DUSP15: variants seen among roughly 807,000 people sequenced by gnomAD.
DUSP15 encodes the protein dual specificity phosphatase 15.
A neutral mutation model predicts 26.3 loss-of-function variants in DUSP15; 23 were observed. The observed-to-expected ratio is 0.87, with a 90% confidence interval of 0.63 to 1.24. DUSP15 has a LOEUF of 1.24. Ranked by LOEUF, DUSP15 falls within the 50% of genes most tolerant of loss-of-function variation. The pLI is 0.00. For missense variants in DUSP15, 364 were observed against 320.6 expected (o/e 1.14, Z -1.03); for synonymous variants, 143 against 135.5 (o/e 1.06, Z -0.39).
chr20:31,847,727 G>A (rs982699633), exon 10 of DUSP15: 3 of 152,152 alleles, frequency 2.0e-5, no homozygotes, highest in South Asian at 2.1e-4. Flanking sequence ...TGCCTACAAC[G>A]TACAGCTTGC....
At chr20:31,859,114 A>T (rs2062605565), downstream of DUSP15, among the ~76,000 whole-genome samples, 1 of 152,168 alleles carries the variant, frequency 6.6e-6, no homozygotes, top group African/African-American at 2.4e-5. Flanking sequence ...GCCCTCTAAC[A>T]AGGTCACAGA....
chr20:31,861,531 C>A lies in DUSP15; in HGVS notation c.580G>T (p.Glu194Ter). 2 of 1,516,116 alleles carry A rather than the reference C, an allele frequency of 1.3e-6. No individual in the cohort carries two copies. The highest frequency in any genetic ancestry group is 1.8e-6 in the Non-Finnish European group (2 of 1,140,176). 93.9% of individuals were successfully genotyped at this position (1,516,116 alleles called of 1,614,324 possible). Residue 194 changes from glutamate to a stop codon, truncating the protein, a stop_gained, in exon 7 of 7, where the codon GAG (glutamate) becomes TAG (stop). Coordinates refer to ENST00000339738, the MANE Select transcript of DUSP15 (RefSeq NM_080611.5). LOFTEE classifies it high-confidence loss of function. ...SSAGPHSAAS[E>*]GTVQRLVPRT... The stretch of plus-strand genomic sequence containing the variant: ...GGCACCAGGCGCTGCACGGTTCCCT[C>A]GGAGGCTGCTGAGTGCGGCCCGGCG...
At chr20:31,856,667 G>A (rs2123218443), downstream of DUSP15, among the ~76,000 whole-genome samples, 1 of 152,232 alleles carries the variant, frequency 6.6e-6, no homozygotes, top group South Asian at 2.1e-4. Flanking sequence ...GATGTTTGGG[G>A]TGTGTTGAGT....
chr20:31,861,331 G>T lies in DUSP15; in HGVS notation c.*72C>A. 7.0e-7 allele frequency: 1 copy of T among 1,421,594 alleles called. No individual in the cohort carries two copies. The allele number at this position is 1,421,594 out of a possible 1,614,324, so 88.1% of individuals were successfully genotyped here. A position where few individuals can be genotyped will look rare whatever the true frequency, so the allele number is the denominator to read the frequency against. On this transcript the variant is annotated 3_prime_UTR_variant, in exon 7 of 7. Transcript: ENST00000339738. ...CCCCCAGCCTCTGGGCCCGTCCTGGGGGGCGTGGAAGGCGCAGACAGCCCC... is the reference window on the plus strand; with the variant it reads ...CCCCCAGCCTCTGGGCCCGTCCTGGTGGGCGTGGAAGGCGCAGACAGCCCC...
At chr20:31,867,020 G>T in intron 3 of DUSP15, 51 bp downstream of exon 3, 1 of 1,504,820 alleles carries the variant, frequency 6.6e-7, no homozygotes, top group Non-Finnish European at 9.1e-7. Flanking sequence ...TTGATAAACA[G>T]GTCTGCACCC....
downstream of DUSP15, among the ~76,000 whole-genome samples, chr20:31,846,079 CACACAGAG>C (rs1778962115): frequency 6.6e-6 from 1 of 150,586 alleles, no homozygotes; most frequent in African/African-American, 2.5e-5. Context: ...CACGTACAGA[CACACAGAG>C]ACACACAGAC....
rs1429882309 is a variant in DUSP15 at position 31,864,227 on chromosome 20, A to G, written c.189-246T>C. The G allele has an allele frequency of 7.0e-6, 9 of 1,276,916 alleles. No individual in the cohort carries two copies. In the East Asian group the frequency reaches 3.3e-4, roughly 46 times the overall value. The allele number at this position is 1,276,916 out of a possible 1,614,324, so 79.1% of individuals were successfully genotyped here. The stretch of plus-strand genomic sequence containing the variant: ...GGACAAATCTCACCATCTAGGCAGG[A>G]GCACTCCTCCTGTGGACCCTGTTTT... On this transcript the variant is annotated intron_variant, in intron 4 of 6. Coordinates refer to ENST00000339738, the MANE Select transcript of DUSP15 (RefSeq NM_080611.5).
At chr20:31,860,922 G>C, downstream of DUSP15, 1 of 919,748 alleles carries the variant, frequency 1.1e-6, no homozygotes, top group Non-Finnish European at 1.3e-6. Flanking sequence ...CTGCAGTTGC[G>C]GGAGGGTGGT....
rs1482109755 is a variant in DUSP15 at position 31,861,585 on chromosome 20, G to C, written c.526C>G (p.Arg176Gly). 2 of 1,496,846 alleles carry C rather than the reference G, an allele frequency of 1.3e-6. No individual in the cohort carries two copies. The highest frequency in any genetic ancestry group is 2.8e-5 in the East Asian group (1 of 35,746). 92.7% of individuals were successfully genotyped at this position (1,496,846 alleles called of 1,614,324 possible). ...GAGGCCGAGGTCGCGGAGCCCTGCC[G>C]GCAGCGCTTGCACAGCGGCAGCAGC... ...RALLPLCKRC[R>G]QGSATSASSA... Residue 176 changes from arginine to glycine, a missense_variant, in exon 7 of 7, where the codon CGG becomes GGG. Coordinates refer to ENST00000339738, the MANE Select transcript of DUSP15 (RefSeq NM_080611.5).
chr20:31,854,666 A>G (rs2062531481), intron 6 of DUSP15, among the ~76,000 whole-genome samples: 1 of 152,108 alleles, frequency 6.6e-6, no homozygotes, highest in South Asian at 2.1e-4. Context: ...GGAAGAGGGA[A>G]GAGCTTGAGC....
intron 2 of DUSP15, among the ~76,000 whole-genome samples, chr20:31,868,606 A>G (rs2062827280): frequency 6.6e-6 from 1 of 150,890 alleles, no homozygotes; most frequent in Non-Finnish European, 1.5e-5. Context: ...CAGCCTCCCA[A>G]GTAGCTGGGA....
In DUSP15 at chr20:31,864,997, G is replaced by A; in HGVS notation, c.144C>T (p.Ile48=). Residue 48 remains isoleucine, a synonymous_variant, in exon 4 of 7, where the codon ATC becomes ATT. Transcript: ENST00000339738. ...HESPQPLLQD[I]TYLRIPVADT... ...CAGCGACCGGGATGCGAAGGTAGGT[G>A]ATATCCTGCAAGTACAAAATACACT... 6.2e-7 allele frequency: 1 copy of A among 1,614,118 alleles called. No individual in the cohort carries two copies.
At chr20:31,849,698 G>A in intron 8 of DUSP15, 1 of 1,534,612 alleles carries the variant, frequency 6.5e-7, no homozygotes, top group Non-Finnish European at 8.7e-7. Context: ...GGCAGGCCCT[G>A]CAACACGTGG....
Position 31,870,003 on chromosome 20 carries a change from A to G in DUSP15, c.21+314T>C. 1 of 1,333,640 alleles carries G rather than the reference A, an allele frequency of 7.5e-7. No individual in the cohort carries two copies. Among genetic ancestry groups the G allele is most frequent in the Non-Finnish European group, 9.6e-7 (1 of 1,042,816 alleles). 82.6% of individuals were successfully genotyped at this position (1,333,640 alleles called of 1,614,324 possible). A position where few individuals can be genotyped will look rare whatever the true frequency, so the allele number is the denominator to read the frequency against. On this transcript the variant is annotated intron_variant, in intron 1 of 6. Transcript: ENST00000339738. This position sits in a 1 kb window ranked among gnomAD's most constrained non-coding sequence, Gnocchi z 6.6. ...CAGCCCCGGAGAGAGCCGAGGAGTC[A>G]GCGACAAGGGAGAGGGACACATGCA...
At chr20:31,850,760 G>A in intron 6 of DUSP15, 1 of 1,409,760 alleles carries the variant, frequency 7.1e-7, no homozygotes, top group Admixed American at 1.9e-5. Context: ...GAGGAGGCAG[G>A]GCTGGGTGAG....
At chr20:31,846,041 G>A (rs1003232111), downstream of DUSP15, among the ~76,000 whole-genome samples, 1 of 151,834 alleles carries the variant, frequency 6.6e-6, no homozygotes, top group African/African-American at 2.4e-5. Context: ...GAGCCTCTCA[G>A]ACACTCACAG....
At chr20:31,869,061 C>T (rs994084739) in intron 2 of DUSP15, among the ~76,000 whole-genome samples, 7 of 152,164 alleles carry the variant, frequency 4.6e-5, no homozygotes, top group Non-Finnish European at 5.9e-5. Flanking sequence ...GAAGGCCCAG[C>T]CCATCTCCAG....
chr20:31,849,538 C>A (rs1382320633), intron 8 of DUSP15: 2 of 901,332 alleles, frequency 2.2e-6, no homozygotes, highest in East Asian at 2.4e-5. Context: ...GCCGTCCTAC[C>A]GCCTGGAGGA....
At chr20:31,864,921 G>A (rs1470996783) in intron 4 of DUSP15, 32 bp downstream of exon 4, 2 of 1,608,152 alleles carry the variant, frequency 1.2e-6, no homozygotes, top group East Asian at 2.2e-5. Flanking sequence ...GCAGCTGTCT[G>A]TCCATCTATG....
Sources: allele counts gnomAD v4.1 joint callset (sites outside exome capture counted in the v4.1 genomes callset), GRCh38; gene constraint gnomAD v4.1.1; non-coding constraint Gnocchi (gnomAD v3.1); transcripts MANE v1.5; gene names NCBI Gene and HGNC (gene_info 2026-07-23, HGNC 2026-07-21).